Variants in TENM1 observed in about 807,000 individuals in gnomAD.
TENM1 encodes teneurin transmembrane protein 1, also known as teneurin-1.
Under a neutral mutation model 174.8 loss-of-function variants are expected in TENM1, and 35 were observed. That is an observed-to-expected ratio of 0.20 (90% confidence interval 0.15 to 0.27). The LOEUF (loss-of-function observed/expected upper bound fraction) is 0.27, where lower values mean the gene tolerates loss of function less well. Ranked by LOEUF, TENM1 falls within the 10% of genes least tolerant of loss-of-function variation. The probability of loss-of-function intolerance (pLI) is 1.00; values close to 1 mark genes in which losing one functional copy is unlikely to be tolerated. For missense variants in TENM1, 1,633 were observed against 2,130.1 expected (o/e 0.77, Z 4.59); for synonymous variants, 781 against 798.7 (o/e 0.98, Z 0.37).
intron 22 of TENM1, among the ~76,000 whole-genome samples, chrX:124,453,703 G>A (rs754949031): frequency 5.3e-4 from 59 of 111,682 alleles, no homozygotes; most frequent in Non-Finnish European, 9.8e-4. Flanking sequence ...AAAGTCACAC[G>A]CGGAGATAAA....
intron 3 of TENM1, among the ~76,000 whole-genome samples, chrX:124,866,990 G>A (rs1028956031): frequency 7.2e-5 from 8 of 110,827 alleles, no homozygotes; most frequent in Non-Finnish European, 1.5e-4. Context: ...ATAACAAAAT[G>A]GATGCTGTAA....
the TENM1 span, among the ~76,000 whole-genome samples, chrX:125,144,803 T>A: frequency 1.8e-5 from 2 of 109,004 alleles, no homozygotes; most frequent in African/African-American, 6.7e-5. Flanking sequence ...AGTGGCACGA[T>A]CTTGGCTCAC....
chrX:124,969,697 G>A, the TENM1 span, among the ~76,000 whole-genome samples: 1 of 111,502 alleles, frequency 9.0e-6, no homozygotes, highest in African/African-American at 3.3e-5. Context: ...TGTAGTAAAC[G>A]GCAGGACTGA....
At chrX:124,896,348 G>A (rs773357438) in intron 1 of TENM1, 107 bp from the exon 5 acceptor site, 14 of 887,445 alleles carry the variant, frequency 1.6e-5, no homozygotes, top group South Asian at 1.5e-4. Flanking sequence ...TAGTAATTAC[G>A]TGTTTTTGCA....
At chrX:124,984,639 T>C in the TENM1 span, among the ~76,000 whole-genome samples, 3 of 111,505 alleles carry the variant, frequency 2.7e-5, no homozygotes, top group African/African-American at 9.8e-5. Context: ...CCTAAATCTT[T>C]ATGGAATGGC....
exon 4 of TENM1, chrX:124,737,062 C>G (rs766565169): frequency 8.3e-7 from 1 of 1,211,105 alleles, no homozygotes; most frequent in Non-Finnish European, 1.1e-6. Flanking sequence ...GGGCTGGCTG[C>G]GGGTAGTCAT....
chrX:124,420,325 C>G (rs2060636411), exon 25 of TENM1: 1 of 1,201,191 alleles, frequency 8.3e-7, no homozygotes. Flanking sequence ...AAACGGTTGT[C>G]CATCCATTTT....
At chrX:125,199,770 T>C in the TENM1 span, among the ~76,000 whole-genome samples, 1 of 111,825 alleles carries the variant, frequency 8.9e-6, no homozygotes, top group Admixed American at 9.5e-5. Context: ...CCTGTAAAAA[T>C]ATTTACTTTT....
chrX:124,871,208 A>G (rs1288419135), intron 3 of TENM1, among the ~76,000 whole-genome samples: 1 of 111,482 alleles, frequency 9.0e-6, no homozygotes, highest in African/African-American at 3.3e-5. Flanking sequence ...TACTTCTATG[A>G]TACCAATCTG....
chrX:125,016,726 A>G, the TENM1 span, among the ~76,000 whole-genome samples: 2 of 111,802 alleles, frequency 1.8e-5, no homozygotes, highest in African/African-American at 6.5e-5. Context: ...TAAATTTCAC[A>G]TGGAACCAAA....
chrX:124,827,502 C>T (rs750533697), intron 3 of TENM1, among the ~76,000 whole-genome samples: 11 of 111,972 alleles, frequency 9.8e-5, no homozygotes, highest in Non-Finnish European at 1.9e-4. Context: ...GTGAAAATGC[C>T]TTTATTTTGC....
the TENM1 span, among the ~76,000 whole-genome samples, chrX:124,998,890 G>T: frequency 1.8e-5 from 2 of 111,517 alleles, no homozygotes; most frequent in African/African-American, 6.5e-5. Flanking sequence ...TTCTTCTTTA[G>T]TAATTGTGTT....
intron 5 of TENM1, among the ~76,000 whole-genome samples, chrX:124,690,840 C>T (rs1479858821): frequency 1.8e-5 from 2 of 110,198 alleles, no homozygotes; most frequent in African/African-American, 3.3e-5. Context: ...AGGCCCTCAC[C>T]GGATGCAGAT....
intron 5 of TENM1, among the ~76,000 whole-genome samples, chrX:124,692,212 C>T (rs1445359350): frequency 4.5e-5 from 5 of 111,227 alleles, no homozygotes; most frequent in Non-Finnish European, 9.4e-5. Context: ...AATATTCTCC[C>T]TTATAAGTGG....
intron 27 of TENM1, among the ~76,000 whole-genome samples, chrX:124,404,764 A>T (rs2060443107): frequency 9.0e-6 from 1 of 111,112 alleles, no homozygotes; most frequent in Admixed American, 9.6e-5. Flanking sequence ...TTCTTGGTGA[A>T]ATTGCTACTA....
chrX:124,504,656 C>CT (rs983153294), intron 18 of TENM1, among the ~76,000 whole-genome samples: 6 of 111,457 alleles, frequency 5.4e-5, no homozygotes, highest in African/African-American at 2.0e-4. Context: ...AAAATAGCCC[C>CT]TGTTGGTCTG....
At chrX:125,198,441 A>C in the TENM1 span, among the ~76,000 whole-genome samples, 3 of 111,729 alleles carry the variant, frequency 2.7e-5, no homozygotes, top group Non-Finnish European at 5.7e-5. Context: ...TACAGCTGTG[A>C]ATGTTCTATT....
At chrX:125,072,082 A>G in the TENM1 span, among the ~76,000 whole-genome samples, 1 of 111,117 alleles carries the variant, frequency 9.0e-6, no homozygotes, top group Admixed American at 9.6e-5. Context: ...AGGATGGACT[A>G]AAATATCGGG....
intron 11 of TENM1, among the ~76,000 whole-genome samples, chrX:124,586,862 A>G (rs1425330461): frequency 9.2e-6 from 1 of 108,468 alleles, no homozygotes; most frequent in Non-Finnish European, 1.9e-5. Context: ...AAATCCATGT[A>G]CAAAAATCAC....
Sources: allele counts gnomAD v4.1 joint callset (sites outside exome capture counted in the v4.1 genomes callset), GRCh38; gene constraint gnomAD v4.1.1; transcripts MANE v1.5; gene names NCBI Gene and HGNC (gene_info 2026-07-23, HGNC 2026-07-21).